Variants in CAMK1D observed in about 807,000 individuals in gnomAD.
CAMK1D encodes calcium/calmodulin dependent protein kinase ID.
Under a neutral mutation model 47.7 loss-of-function variants are expected in CAMK1D, and 9 were observed. The ratio of observed to expected loss-of-function variants is 0.19; its 90% CI spans 0.11 to 0.33. The LOEUF (loss-of-function observed/expected upper bound fraction) is 0.33. Among genes scored for constraint, CAMK1D ranks in the 10% least tolerant of loss-of-function variants. The probability of loss-of-function intolerance (pLI) is 1.00; values close to 1 mark genes in which losing one functional copy is unlikely to be tolerated. For missense variants in CAMK1D, 291 were observed against 488.7 expected, an observed-to-expected ratio of 0.60 and a Z score of 3.81; for synonymous variants, 184 against 184.9, an observed-to-expected ratio of 0.99 and a Z score of 0.04.
At chr10:12,698,519 T>G (rs1564502182) in intron 3 of CAMK1D, among the ~76,000 whole-genome samples, 1 of 152,136 alleles carries the variant, frequency 6.6e-6, no homozygotes, top group Admixed American at 6.5e-5. Context: ...GAACTTTATT[T>G]CTCAAAATAA....
rs146091737 is a variant in CAMK1D at position 12,827,462 on chromosome 10, T to TTGTC, written c.1040-1297_1040-1294dup. ...TTCTTTCTTTCTTTCTTTTCTTTCT[T>TTGTC]TGTCTGTCTGTCTTTCTTTCTTTCT... is the stretch of plus-strand genomic sequence containing the variant. On this transcript the variant is annotated intron_variant, in intron 10 of 10. Coordinates refer to ENST00000619168, the MANE Select transcript of CAMK1D (RefSeq NM_153498.4). 2.8e-3 allele frequency among the ~76,000 whole-genome samples: 34 copies of TTGTC among 12,148 alleles called. 12 individuals are homozygous for TTGTC. The highest frequency in any genetic ancestry group is 7.0e-3 in the Admixed American group (7 of 1,002). The allele number at this position is 12,148 out of a possible 152,430, so 8.0% of individuals were successfully genotyped here.
intron 1 of CAMK1D, among the ~76,000 whole-genome samples, chr10:12,510,935 C>T (rs143898395): frequency 1.3e-5 from 2 of 152,308 alleles, no homozygotes; most frequent in East Asian, 1.9e-4. Flanking sequence ...GAAACGGAGA[C>T]TGGAGGAGGG....
chr10:12,819,381 C>T (rs763010633), intron 8 of CAMK1D, among the ~76,000 whole-genome samples: 8 of 152,180 alleles, frequency 5.3e-5, no homozygotes, highest in African/African-American at 1.4e-4. Flanking sequence ...ACGCAGGAGA[C>T]AGGAAATGAG....
intron 2 of CAMK1D, among the ~76,000 whole-genome samples, chr10:12,618,948 G>A (rs773423304): frequency 3.9e-5 from 6 of 152,220 alleles, no homozygotes; most frequent in Non-Finnish European, 8.8e-5. Flanking sequence ...AGCATGCACA[G>A]CAAAGATGGT....
intron 5 of CAMK1D, 58 bp from the exon 6 acceptor site, chr10:12,791,100 G>A: frequency 6.5e-7 from 1 of 1,535,168 alleles, no homozygotes; most frequent in South Asian, 1.1e-5. Context: ...CCCAAAAACT[G>A]TCTTCAGTCC....
intron 2 of CAMK1D, among the ~76,000 whole-genome samples, chr10:12,603,930 G>A (rs568507603): frequency 6.6e-6 from 1 of 152,256 alleles, no homozygotes; most frequent in Admixed American, 6.5e-5. Flanking sequence ...AGGTCTCTGG[G>A]AGTTTGCAGC....
intron 1 of CAMK1D, among the ~76,000 whole-genome samples, chr10:12,532,140 A>G (rs1184331745): frequency 2.0e-5 from 3 of 152,188 alleles, no homozygotes; most frequent in Non-Finnish European, 4.4e-5. Flanking sequence ...TTATTTTTTT[A>G]TTTGTAATTA....
chr10:12,466,493 G>A (rs1833593831), intron 1 of CAMK1D, among the ~76,000 whole-genome samples: 1 of 152,030 alleles, frequency 6.6e-6, no homozygotes, highest in South Asian at 2.1e-4. Context: ...GCTAAGGCAG[G>A]AGAATTGCTT....
Position 12,367,486 on chromosome 10 carries a change from ATTAT to A in CAMK1D, c.92+17586_92+17589del, listed in dbSNP as rs1396394455. On this transcript the variant is annotated intron_variant, in intron 1 of 10. Transcript: ENST00000619168. Reference sequence around the variant, plus strand: ...ATTACCTATTATTATATTTATTCCTATTATTTATTTATTCCTATTATTATATTAA... The same window carrying A: ...ATTACCTATTATTATATTTATTCCTATTATTTATTCCTATTATTATATTAA... Among the ~76,000 whole-genome samples the A allele has an allele frequency of 6.6e-5, 10 of 151,594 alleles. 1 individual carries two copies. Among genetic ancestry groups the A allele is most frequent in the South Asian group, 6.2e-4 (3 of 4,820 alleles).
intron 3 of CAMK1D, among the ~76,000 whole-genome samples, chr10:12,734,919 G>T (rs1247778891): frequency 6.6e-6 from 1 of 152,136 alleles, no homozygotes; most frequent in Non-Finnish European, 1.5e-5. Flanking sequence ...TCCAAGAGTC[G>T]CTGCCACAGA....
intron 2 of CAMK1D, among the ~76,000 whole-genome samples, chr10:12,633,906 C>T (rs1839446462): frequency 6.6e-6 from 1 of 152,174 alleles, no homozygotes; most frequent in Non-Finnish European, 1.5e-5. Flanking sequence ...GAGGGATGCC[C>T]TGACCCTTTT....
chr10:12,778,303 C>T (rs1400342723), intron 5 of CAMK1D, among the ~76,000 whole-genome samples: 1 of 152,170 alleles, frequency 6.6e-6, no homozygotes, highest in Non-Finnish European at 1.5e-5. Context: ...GCACAGGGTG[C>T]CTTAGGAGGA....
chr10:12,573,831 CT>C (rs34038018), intron 2 of CAMK1D, among the ~76,000 whole-genome samples: 12,285 of 62,200 alleles, frequency 0.2, 135 homozygotes, highest in East Asian at 0.29. Context: ...ATTAAAAAAA[CT>C]TTTTTTTTTT....
intron 1 of CAMK1D, among the ~76,000 whole-genome samples, chr10:12,441,700 A>G (rs953185901): frequency 6.6e-6 from 1 of 151,898 alleles, no homozygotes; most frequent in African/African-American, 2.4e-5. Flanking sequence ...AATCCCAGCT[A>G]CTCGGGAGGC....
In CAMK1D at chr10:12,418,220, A is replaced by G. The variant is rs1839922817; in HGVS notation, c.92+68310A>G. 2.0e-5 allele frequency among the ~76,000 whole-genome samples: 3 copies of G among 152,266 alleles called. No homozygotes were observed. In the South Asian group the frequency reaches 6.2e-4, roughly 31 times the overall value. The stretch of plus-strand genomic sequence containing the variant: ...TTGGTAGGCCTCAGTCCAGCAGGTC[A>G]GATGAGGCAGAGAACATGCCATCAA... On this transcript the variant is annotated intron_variant, in intron 1 of 10. Transcript: ENST00000619168.
intron 3 of CAMK1D, among the ~76,000 whole-genome samples, chr10:12,698,691 T>TTTTTTTC (rs71386113): frequency 1.2e-4 from 18 of 148,382 alleles, no homozygotes; most frequent in Non-Finnish European, 2.7e-4. Flanking sequence ...TTTTTTTTTT[T>TTTTTTTC]GAGACGGAGT....
intron 3 of CAMK1D, among the ~76,000 whole-genome samples, chr10:12,730,797 G>A (rs1270724421): frequency 2.6e-5 from 4 of 152,192 alleles, no homozygotes; most frequent in East Asian, 1.9e-4. Context: ...GCTCAAGTAG[G>A]ATGAGGACTG....
intron 6 of CAMK1D, among the ~76,000 whole-genome samples, chr10:12,800,563 G>A (rs538510042): frequency 3.3e-5 from 5 of 152,354 alleles, no homozygotes; most frequent in Admixed American, 6.5e-5. Flanking sequence ...GATTTTGCTC[G>A]TGTTTTTCAG....
intron 1 of CAMK1D, among the ~76,000 whole-genome samples, chr10:12,427,700 G>GTTTTTTTTTGTTTTTT (rs1840286114): frequency 3.2e-5 from 1 of 31,030 alleles, no homozygotes; most frequent in East Asian, 9.9e-4. Flanking sequence ...TGAACTTACT[G>GTTTTTTTTTGTTTTTT]TTTTTTTTTT....
Sources: allele counts gnomAD v4.1 joint callset (sites outside exome capture counted in the v4.1 genomes callset), GRCh38; gene constraint gnomAD v4.1.1; transcripts MANE v1.5; gene names NCBI Gene and HGNC (gene_info 2026-07-23, HGNC 2026-07-21).